Variants in UTP20 observed in about 807,000 individuals in gnomAD.
The protein encoded by UTP20 is UTP20 small subunit processome component, also known as small subunit processome component 20 homolog.
Under a neutral mutation model 329.5 loss-of-function variants are expected in UTP20, and 164 were observed. The observed-to-expected ratio is 0.50, with a 90% CI of 0.44 to 0.57. UTP20 has a LOEUF of 0.57. Among genes scored for constraint, UTP20 ranks in the 20% least tolerant of loss-of-function variants. UTP20 has a pLI of 0.00. For missense variants in UTP20, 3,055 were observed against 3,284.2 expected, an observed-to-expected ratio of 0.93 and a Z score of 1.71; for synonymous variants, 1,151 against 1,159.3, an observed-to-expected ratio of 0.99 and a Z score of 0.14.
intron 18 of UTP20, among the ~76,000 whole-genome samples, chr12:101,309,345 C>T (rs949045400): frequency 5.9e-5 from 9 of 152,140 alleles, no homozygotes; most frequent in Non-Finnish European, 1.0e-4. Context: ...ACTTTAGACC[C>T]TTTTACTGAA....
rs1870728534 is a variant in UTP20 at position 101,383,621 on chromosome 12, A to G, written c.8008A>G (p.Ile2670Val). Reference protein sequence around the residue: ...IDKVKPYLPMIIAPLFRELNS... With the variant: ...IDKVKPYLPMVIAPLFRELNS... ...CAAGGTAAAGCCGTATCTCCCAATG[A>G]TCATAGCTCCTTTGTTTCGGGAACT... is the stretch of plus-strand genomic sequence containing the variant. Residue 2670 changes from isoleucine to valine, a missense_variant, in exon 60 of 62, where the codon ATC (isoleucine) becomes GTC (valine). Ile to Val is a conservative substitution (Grantham distance 29). Around this residue, in one of 3 missense-constraint regions of UTP20, gnomAD observed 337 missense variants for 345.5 expected, o/e 0.98. Coordinates refer to ENST00000261637, the MANE Select transcript of UTP20 (RefSeq NM_014503.3). 1.2e-6 allele frequency: 2 copies of G among 1,613,830 alleles called. No individual in the cohort carries two copies. The highest frequency in any genetic ancestry group is 1.3e-5 in the African/African-American group (1 of 74,992).
In UTP20 at chr12:101,322,524, A is replaced by G. The variant is rs187162502; in HGVS notation, c.3041+895A>G. ...TGGGTATAAAGAAAAATGAAGCTTA[A>G]ATCTTTCATCTCACCAGCTCTGGAA... On this transcript the variant is annotated intron_variant, in intron 25 of 61. Transcript: ENST00000261637. Among the ~76,000 whole-genome samples the G allele has an allele frequency of 2.6e-5, 4 of 152,306 alleles. No homozygotes were observed. In the East Asian group the frequency reaches 7.7e-4, roughly 29 times the overall value.
At chr12:101,353,331 CT>C (rs1417281819) in intron 40 of UTP20, among the ~76,000 whole-genome samples, 1 of 151,970 alleles carries the variant, frequency 6.6e-6, no homozygotes, top group Non-Finnish European at 1.5e-5. Flanking sequence ...AAAGGCTAGT[CT>C]AAATTGTATT....
intron 5 of UTP20, 70 bp downstream of exon 5, chr12:101,286,579 CA>C: frequency 7.6e-7 from 1 of 1,314,232 alleles, no homozygotes; most frequent in Non-Finnish European, 1.0e-6. Context: ...TTTATGACTC[CA>C]AACCACTTTG....
chr12:101,356,509 G>T (rs745370564), intron 41 of UTP20, 45 bp from the exon 42 acceptor site: 2 of 1,526,706 alleles, frequency 1.3e-6, no homozygotes, highest in Non-Finnish European at 1.8e-6. Context: ...GTAGATCACT[G>T]ATCCATTTAT....
intron 58 of UTP20, among the ~76,000 whole-genome samples, chr12:101,382,066 T>A (rs1427511125): frequency 7.0e-6 from 1 of 143,484 alleles, no homozygotes; most frequent in Non-Finnish European, 1.5e-5. Flanking sequence ...CTATGTAGAA[T>A]GGCGGAAGGA....
chr12:101,309,883 C>T, intron 19 of UTP20, 44 bp downstream of exon 19: 4 of 1,550,108 alleles, frequency 2.6e-6, no homozygotes, highest in Non-Finnish European at 3.6e-6. Flanking sequence ...ACTTTAACTA[C>T]TGCAGAATGA....
At chr12:101,318,202 C>T (rs933666736) in intron 22 of UTP20, among the ~76,000 whole-genome samples, 1 of 151,924 alleles carries the variant, frequency 6.6e-6, no homozygotes, top group Non-Finnish European at 1.5e-5. Flanking sequence ...GTTCATTTAC[C>T]TAAATTGTTA....
chr12:101,306,428 G>A (rs1872643053), intron 16 of UTP20, among the ~76,000 whole-genome samples: 1 of 151,908 alleles, frequency 6.6e-6, no homozygotes, highest in Non-Finnish European at 1.5e-5. Context: ...AACTTTAATT[G>A]AATTGACAAC....
At position 101,321,550 on chromosome 12, in the gene UTP20, A is replaced by G. The variant is rs768923842; in HGVS notation, c.2962A>G (p.Ile988Val). The change falls in exon 25 of 62, where the codon ATA becomes GTA. Residue 988 changes from isoleucine (I) to valine (V), a missense_variant. Transcript: ENST00000261637. ...LLEDRSFKEEIVHFSISEDNA... is the reference protein window; with the variant it reads ...LLEDRSFKEEVVHFSISEDNA... ...TGAAGACAGAAGCTTTAAGGAAGAGATAGTGCATTTTAGCATTTCAGAAGA... is the reference window on the plus strand; with the variant it reads ...TGAAGACAGAAGCTTTAAGGAAGAGGTAGTGCATTTTAGCATTTCAGAAGA... 4 of 1,613,690 alleles carry G rather than the reference A, an allele frequency of 2.5e-6. No individual in the cohort carries two copies. In the East Asian group the frequency reaches 6.7e-5, roughly 27 times the overall value.
rs186232181 is a variant in UTP20 at position 101,362,108 on chromosome 12, G to A, written c.5790+48G>A. On this transcript the variant is annotated intron_variant, in intron 44 of 61. Coordinates refer to ENST00000261637, the MANE Select transcript of UTP20 (RefSeq NM_014503.3). Reference sequence around the variant, plus strand: ...CTAATTTTTTTTTAAGTGGGCCAACGACACAAAAAAATCAATTCACCAAAT... The same window carrying A: ...CTAATTTTTTTTTAAGTGGGCCAACAACACAAAAAAATCAATTCACCAAAT... 108 of 1,362,424 alleles carry A rather than the reference G, an allele frequency of 7.9e-5. 3 individuals carry two copies. The South Asian group carries it at 8.1e-4, about 10-fold the overall frequency. 84.4% of individuals were successfully genotyped at this position (1,362,424 alleles called of 1,614,324 possible). A position where few individuals can be genotyped will look rare whatever the true frequency, so the allele number is the denominator to read the frequency against.
intron 31 of UTP20, among the ~76,000 whole-genome samples, chr12:101,340,210 A>G (rs1869075914): frequency 6.6e-6 from 1 of 152,216 alleles, no homozygotes; most frequent in South Asian, 2.1e-4. Context: ...TCTTTTCAAA[A>G]TAAAACAATT....
At chr12:101,377,593 G>A (rs1870517095) in intron 56 of UTP20, among the ~76,000 whole-genome samples, 1 of 152,094 alleles carries the variant, frequency 6.6e-6, no homozygotes, top group Non-Finnish European at 1.5e-5. Context: ...GCCTCCCAAA[G>A]TGCTGGGATT....
chr12:101,280,461 G>T, intron 1 of UTP20, 134 bp downstream of exon 1: 1 of 1,083,472 alleles, frequency 9.2e-7, no homozygotes, highest in East Asian at 2.6e-5. Flanking sequence ...CGGCGAAAGA[G>T]GGAGACACTG....
chr12:101,375,348 C>T (rs1408195196), intron 55 of UTP20, among the ~76,000 whole-genome samples: 1 of 151,578 alleles, frequency 6.6e-6, no homozygotes, highest in African/African-American at 2.4e-5. Flanking sequence ...GCGATTTTAC[C>T]CCCCCAGGTG....
Position 101,320,874 on chromosome 12 carries a change from T to C in UTP20, c.2852T>C (p.Met951Thr). ...TAGTTGTTGCTACACCAAGATCAAA[T>C]GGTGCAAAAAATAACCTTGGATTGC... ...YLQLLLHQDQ[M>T]VQKITLDCIM... Residue 951 changes from methionine (M) to threonine (T), a missense_variant, in exon 24 of 62, where the codon ATG (methionine) becomes ACG (threonine). This residue lies in a region of UTP20 where 2,445 missense variants were observed against 2,575.5 expected (regional missense o/e 0.95). Coordinates refer to ENST00000261637, the MANE Select transcript of UTP20 (RefSeq NM_014503.3). 2.5e-6 allele frequency: 4 copies of C among 1,612,008 alleles called. No individual in the cohort carries two copies. The highest frequency in any genetic ancestry group is 1.1e-5 in the South Asian group (1 of 90,408).
intron 12 of UTP20, among the ~76,000 whole-genome samples, chr12:101,295,883 G>A (rs1872330586): frequency 6.6e-6 from 1 of 152,144 alleles, no homozygotes; most frequent in Admixed American, 6.5e-5. Flanking sequence ...ACATGTGGAA[G>A]GATACAGAAA....
intron 54 of UTP20, among the ~76,000 whole-genome samples, chr12:101,374,379 C>T (rs1870404822): frequency 6.6e-6 from 1 of 152,078 alleles, no homozygotes; most frequent in African/African-American, 2.4e-5. Flanking sequence ...TCCAATTTTG[C>T]ATATTCGATT....
intron 15 of UTP20, among the ~76,000 whole-genome samples, chr12:101,304,249 T>G (rs1872597367): frequency 6.6e-6 from 1 of 152,158 alleles, no homozygotes. Context: ...ACTGCCTGGT[T>G]TTGACTCTTG....
Sources: gnomAD v4.1 joint callset for allele counts (sites outside exome capture counted in the v4.1 genomes callset) on GRCh38, gnomAD v4.1.1 for gene constraint, gnomAD v4.1.1 regional missense constraint, MANE v1.5 for transcripts, NCBI Gene and HGNC (gene_info 2026-07-23, HGNC 2026-07-21) for gene names.